ZSWIM6: variants seen among roughly 807,000 people sequenced by gnomAD.
ZSWIM6 encodes zinc finger SWIM domain-containing protein 6.
In ZSWIM6, 9 loss-of-function variants were observed where a neutral mutation model predicts 113.2. The ratio of observed to expected loss-of-function variants is 0.08; its 90% CI spans 0.05 to 0.14. The LOEUF is 0.14. ZSWIM6 is among the 10% of genes least tolerant of loss of function. ZSWIM6 has a pLI of 1.00. For synonymous variants in ZSWIM6, 611 were observed against 606.5 expected, an observed-to-expected ratio of 1.01 and a Z score of -0.11; for missense variants, 1,162 against 1,552.2, an observed-to-expected ratio of 0.75 and a Z score of 4.22.
chr5:61,455,725 A>T (rs1747192431), intron 1 of ZSWIM6, among the ~76,000 whole-genome samples: 1 of 152,166 alleles, frequency 6.6e-6, no homozygotes, highest in African/African-American at 2.4e-5. Context: ...AGCACCTAGT[A>T]CAGTAAATTT....
rs192769722 is a variant in ZSWIM6 at position 61,385,830 on chromosome 5, G to A, written c.676+52882G>A. 2.8e-3 allele frequency among the ~76,000 whole-genome samples: 425 copies of A among 152,206 alleles called. 2 individuals are homozygous for A. The highest frequency in any genetic ancestry group is 9.8e-3 in the African/African-American group (408 of 41,514). On this transcript the variant is annotated intron_variant, in intron 1 of 13. Coordinates refer to ENST00000252744, the MANE Select transcript of ZSWIM6 (RefSeq NM_020928.2). ...ATGTCCACTGGCTCTCTTGTCTTTC[G>A]AATAGAGGCAAACACCCCAGACTGT...
intron 10 of ZSWIM6, among the ~76,000 whole-genome samples, chr5:61,537,826 G>C (rs756190815): frequency 2.6e-4 from 39 of 152,304 alleles, no homozygotes; most frequent in South Asian, 8.3e-4. Context: ...CCGGCATTTT[G>C]ATGGTTGTAA....
In ZSWIM6 at chr5:61,408,961, G is replaced by A. The variant is rs182133423; in HGVS notation, c.677-63720G>A. 2.6e-3 allele frequency among the ~76,000 whole-genome samples: 401 copies of A among 152,306 alleles called. 5 individuals carry two copies. The highest frequency in any genetic ancestry group is 1.7e-3 in the East Asian group (9 of 5,182). On this transcript the variant is annotated intron_variant, in intron 1 of 13. Transcript: ENST00000252744. ...GTGACTGATGGCGCGGGGGCGGGGC[G>A]GCGTGTGTGTGACTGACCCGACCGC...
At chr5:61,503,767 G>A (rs1328873228) in intron 4 of ZSWIM6, among the ~76,000 whole-genome samples, 1 of 152,162 alleles carries the variant, frequency 6.6e-6, no homozygotes, top group African/African-American at 2.4e-5. Flanking sequence ...AGGGTCATAT[G>A]TAGACCACAT....
intron 1 of ZSWIM6, among the ~76,000 whole-genome samples, chr5:61,382,780 G>A (rs1745511314): frequency 1.3e-5 from 2 of 151,760 alleles, no homozygotes; most frequent in Non-Finnish European, 2.9e-5. Flanking sequence ...ACTCCAGCCT[G>A]GTTAACAGAG....
chr5:61,533,468 C>G (rs1191806535), intron 9 of ZSWIM6, among the ~76,000 whole-genome samples: 2 of 152,206 alleles, frequency 1.3e-5, no homozygotes, highest in Non-Finnish European at 2.9e-5. Context: ...GCATATTGAA[C>G]AAGCACCTCT....
chr5:61,484,470 A>T (rs1747962146), intron 2 of ZSWIM6, among the ~76,000 whole-genome samples: 1 of 152,194 alleles, frequency 6.6e-6, no homozygotes, highest in Non-Finnish European at 1.5e-5. Flanking sequence ...GATATGTCAG[A>T]TTTCAAAGGA....
chr5:61,424,309 G>A (rs1038074565), intron 1 of ZSWIM6, among the ~76,000 whole-genome samples: 12 of 152,158 alleles, frequency 7.9e-5, no homozygotes, highest in African/African-American at 2.9e-4. Flanking sequence ...TACAGGGCTC[G>A]ATTAGGTTAT....
chr5:61,394,669 G>A (rs1463138543), intron 1 of ZSWIM6, among the ~76,000 whole-genome samples: 1 of 152,116 alleles, frequency 6.6e-6, no homozygotes, highest in Non-Finnish European at 1.5e-5. Flanking sequence ...AGGGACACTT[G>A]GATTCAGTAA....
chr5:61,538,977 G>A lies in ZSWIM6; in HGVS notation c.2539+6G>A. On this transcript the variant is annotated splice_donor_region_variant and intron_variant, in intron 11 of 13. Coordinates refer to ENST00000252744, the MANE Select transcript of ZSWIM6 (RefSeq NM_020928.2). The stretch of plus-strand genomic sequence containing the variant: ...CATGCTAACTGCAGCCAAAGGTACT[G>A]TACTGTCCTGAGGCCTCATAATTGT... The A allele has an allele frequency of 6.5e-7, 1 of 1,545,522 alleles. No homozygotes were observed. The highest frequency in any genetic ancestry group is 8.7e-7 in the Non-Finnish European group (1 of 1,144,788).
chr5:61,502,779 C>T (rs1424419362), intron 4 of ZSWIM6, among the ~76,000 whole-genome samples: 1 of 152,180 alleles, frequency 6.6e-6, no homozygotes, highest in Non-Finnish European at 1.5e-5. Context: ...CTCATAGGAG[C>T]ACAAACCCTG....
intron 8 of ZSWIM6, among the ~76,000 whole-genome samples, chr5:61,530,970 C>T (rs1368304992): frequency 1.3e-5 from 2 of 152,092 alleles, no homozygotes; most frequent in Admixed American, 6.5e-5. Context: ...TTAATGGAGA[C>T]AAGAGAATGT....
chr5:61,447,471 G>C (rs868165787), intron 1 of ZSWIM6, among the ~76,000 whole-genome samples: 25 of 152,238 alleles, frequency 1.6e-4, no homozygotes, highest in Admixed American at 3.3e-4. Context: ...GAATTTCTTA[G>C]AGGAGCAAAT....
chr5:61,408,968 G>T (rs1387553526), intron 1 of ZSWIM6, among the ~76,000 whole-genome samples: 2 of 151,978 alleles, frequency 1.3e-5, no homozygotes, highest in Admixed American at 1.3e-4. Context: ...GGCGGCGTGT[G>T]TGTGACTGAC....
intron 1 of ZSWIM6, among the ~76,000 whole-genome samples, chr5:61,355,107 A>G (rs2112044378): frequency 6.6e-6 from 1 of 152,242 alleles, no homozygotes; most frequent in East Asian, 1.9e-4. Flanking sequence ...CAATTCTACT[A>G]GCCCCACTGA....
chr5:61,440,379 A>C lies in ZSWIM6; in HGVS notation c.677-32302A>C, dbSNP rs1375809060. Among the ~76,000 whole-genome samples the C allele has an allele frequency of 1.4e-4, 21 of 151,764 alleles. 1 individual carries two copies. In the South Asian group the frequency reaches 4.4e-3, roughly 32 times the overall value. Reference sequence around the variant, plus strand: ...TTGGTGTAAAAAAAAAAAAAAAAAAAAAAGATATGGTTGAACCTAAGGGTG... The same window carrying C: ...TTGGTGTAAAAAAAAAAAAAAAAAACAAAGATATGGTTGAACCTAAGGGTG... On this transcript the variant is annotated intron_variant, in intron 1 of 13. Transcript: ENST00000252744.
chr5:61,514,474 A>G (rs1273222604), intron 4 of ZSWIM6, among the ~76,000 whole-genome samples: 1 of 152,048 alleles, frequency 6.6e-6, no homozygotes, highest in East Asian at 1.9e-4. Context: ...AAGAATATTC[A>G]GTCTTTTGCT....
intron 4 of ZSWIM6, 42 bp downstream of exon 4, chr5:61,494,452 G>A: frequency 6.5e-7 from 1 of 1,547,922 alleles, no homozygotes. Flanking sequence ...TTTGCATATG[G>A]ATAAATACCA....
intron 1 of ZSWIM6, among the ~76,000 whole-genome samples, chr5:61,382,745 C>T (rs919383879): frequency 1.3e-5 from 2 of 151,816 alleles, no homozygotes; most frequent in African/African-American, 4.8e-5. Context: ...GTGGAGGTTA[C>T]AGTGAGCTGA....
Sources: gnomAD v4.1 joint callset for allele counts (sites outside exome capture counted in the v4.1 genomes callset) on GRCh38, gnomAD v4.1.1 for gene constraint, MANE v1.5 for transcripts, NCBI Gene and HGNC (gene_info 2026-07-23, HGNC 2026-07-21) for gene names.